Variants in RASSF3 observed in about 807,000 individuals in gnomAD.
The protein encoded by RASSF3 is ras association domain-containing protein 3.
In RASSF3, 19 loss-of-function variants were observed where a neutral mutation model predicts 19.9. The ratio of observed to expected loss-of-function variants is 0.96; its 90% confidence interval spans 0.67 to 1.40. The LOEUF (loss-of-function observed/expected upper bound fraction) is 1.40, where lower values mean the gene tolerates loss of function less well. Among genes scored for constraint, RASSF3 ranks in the 40% most tolerant of loss-of-function variants. The probability of loss-of-function intolerance (pLI) is 0.00; values close to 1 mark genes in which losing one functional copy is unlikely to be tolerated. For missense variants in RASSF3, 306 were observed against 289.8 expected (o/e 1.06, Z -0.41); for synonymous variants, 110 against 104.2 (o/e 1.06, Z -0.34).
chr12:64,565,705 C>G (rs947258404), intron 2 of RASSF3, among the ~76,000 whole-genome samples: 1 of 150,714 alleles, frequency 6.6e-6, no homozygotes, highest in Non-Finnish European at 1.5e-5. Context: ...AAGAGCAAGA[C>G]TCCATCTCAA....
chr12:64,524,353 C>T (rs1164815455), intron 1 of RASSF3, among the ~76,000 whole-genome samples: 5 of 151,898 alleles, frequency 3.3e-5, no homozygotes, highest in Admixed American at 2.0e-4. Context: ...TCCCAAAGTG[C>T]TACGATTATA....
chr12:64,659,700 C>A (rs1270931820), intron 1 of RASSF3, among the ~76,000 whole-genome samples: 1 of 152,090 alleles, frequency 6.6e-6, no homozygotes, highest in Non-Finnish European at 1.5e-5. Flanking sequence ...GTAATCCCAG[C>A]ACTTTGGGAG....
chr12:64,638,896 G>A (rs200939298), intron 1 of RASSF3, among the ~76,000 whole-genome samples: 2 of 152,102 alleles, frequency 1.3e-5, no homozygotes, highest in East Asian at 3.8e-4. Context: ...TACTGTTGAT[G>A]GACATTTAAT....
At chr12:64,637,225 C>T (rs1871354884) in intron 1 of RASSF3, among the ~76,000 whole-genome samples, 1 of 152,094 alleles carries the variant, frequency 6.6e-6, no homozygotes, top group Admixed American at 6.6e-5. Flanking sequence ...GGGCATACCT[C>T]CTGAAGGTAG....
rs899646832 is a variant in RASSF3, at chr12:64,509,035, T to G, written c.169+1706T>G. 2.6e-5 allele frequency among the ~76,000 whole-genome samples: 4 copies of G among 152,210 alleles called. No homozygotes were observed. In the East Asian group the frequency reaches 5.8e-4, roughly 22 times the overall value. ...ACTGTCAAAATAGGGAGAATTTAAC[T>G]TAATCGTTTAAGTCTCTGTTTATAT... On this transcript the variant is annotated intron_variant, in intron 1 of 5. Transcript: ENST00000637125.
chr12:64,595,207 A>G (rs1490048174), intron 2 of RASSF3, among the ~76,000 whole-genome samples: 2 of 150,854 alleles, frequency 1.3e-5, no homozygotes, highest in African/African-American at 2.4e-5. Flanking sequence ...AGCTAGGACT[A>G]TAGTTGTGTG....
chr12:64,511,203 A>T (rs1443734604), intron 1 of RASSF3, among the ~76,000 whole-genome samples: 1 of 152,222 alleles, frequency 6.6e-6, no homozygotes, highest in Non-Finnish European at 1.5e-5. Flanking sequence ...TGGCATTGTT[A>T]ATTGTCATAA....
upstream of RASSF3, among the ~76,000 whole-genome samples, chr12:64,605,841 T>C (rs1018304895): frequency 6.8e-6 from 1 of 146,432 alleles, no homozygotes; most frequent in African/African-American, 2.6e-5. Flanking sequence ...TGAGCCGAGA[T>C]TGCACCATTG....
chr12:64,545,657 A>G (rs922242073), downstream of RASSF3, among the ~76,000 whole-genome samples: 5 of 152,172 alleles, frequency 3.3e-5, no homozygotes, highest in African/African-American at 1.2e-4. Context: ...GCGGGCCGCA[A>G]TGGCTCATGC....
At chr12:64,509,937 A>G (rs148532335) in intron 1 of RASSF3, among the ~76,000 whole-genome samples, 91 of 152,170 alleles carry the variant, frequency 6.0e-4, no homozygotes, top group African/African-American at 2.1e-3. Flanking sequence ...AAATGCAAAA[A>G]TTAGCCAGGC....
chr12:64,662,892 G>T (rs982451421), intron 1 of RASSF3, among the ~76,000 whole-genome samples: 38 of 152,130 alleles, frequency 2.5e-4, no homozygotes, highest in African/African-American at 8.9e-4. Flanking sequence ...GTTTGAAGGG[G>T]AAATAGTGTG....
intron 1 of RASSF3, among the ~76,000 whole-genome samples, chr12:64,508,135 ATTAC>A (rs1342214031): frequency 1.3e-5 from 2 of 151,904 alleles, no homozygotes; most frequent in African/African-American, 4.9e-5. Context: ...GTGCTTAACA[ATTAC>A]TTAAGATGTA....
intron 1 of RASSF3, among the ~76,000 whole-genome samples, chr12:64,659,561 C>G (rs979665292): frequency 6.6e-6 from 1 of 151,978 alleles, no homozygotes. Context: ...CTTTGTTTTC[C>G]TATTGCTGAG....
In RASSF3 at chr12:64,679,348, C is replaced by T. The variant is rs1276155356; in HGVS notation, c.112-5439C>T. Among the ~76,000 whole-genome samples the T allele has an allele frequency of 3.9e-5, 6 of 152,194 alleles. No individual in the cohort carries two copies. In the South Asian group the frequency reaches 6.2e-4, roughly 16 times the overall value. On this transcript the variant is annotated intron_variant, in intron 1 of 4. Transcript: ENST00000542104. ...TGTTGGGATTACGGGCGTGAGCCACCGCTCCCAGCCTGAACAGTCACTCTT... is the reference window on the plus strand; with the variant it reads ...TGTTGGGATTACGGGCGTGAGCCACTGCTCCCAGCCTGAACAGTCACTCTT...
chr12:64,629,738 G>A (rs1197094566), intron 1 of RASSF3, among the ~76,000 whole-genome samples: 1 of 151,904 alleles, frequency 6.6e-6, no homozygotes, highest in Non-Finnish European at 1.5e-5. Context: ...GCCGAGGTGG[G>A]TGGATCACCT....
At chr12:64,611,273 G>T (rs139881396) in intron 1 of RASSF3, among the ~76,000 whole-genome samples, 2 of 152,334 alleles carry the variant, frequency 1.3e-5, no homozygotes, top group East Asian at 3.9e-4. Context: ...CGTGGGCCTC[G>T]CCACCATAGG....
intron 2 of RASSF3, among the ~76,000 whole-genome samples, chr12:64,552,877 C>T (rs921102990): frequency 2.0e-5 from 3 of 151,728 alleles, no homozygotes; most frequent in Non-Finnish European, 2.9e-5. Context: ...AGTGCAATGG[C>T]GCAATCTCTG....
In RASSF3 at chr12:64,577,600, C is replaced by G. The variant is rs192307391; in HGVS notation, c.294+35895C>G. Among the ~76,000 whole-genome samples the G allele has an allele frequency of 5.9e-5, 9 of 152,166 alleles. No homozygotes were observed. In the East Asian group the frequency reaches 1.7e-3, roughly 30 times the overall value. On this transcript the variant is annotated intron_variant, in intron 2 of 5. Coordinates refer to the RASSF3 transcript ENST00000637125. ...TACAAAAATTAGCTGGGTGTAGTGG[C>G]AGGCTCCTCTAGTCTCAACTACTGA...
At position 64,615,315 on chromosome 12, in the gene RASSF3, T is replaced by C. The variant is rs900977649; in HGVS notation, c.111+4572T>C. Among the ~76,000 whole-genome samples, 5 of 152,316 alleles carry C rather than the reference T, an allele frequency of 3.3e-5. No individual in the cohort carries two copies. The East Asian group carries it at 9.6e-4, about 29-fold the overall frequency. On this transcript the variant is annotated intron_variant, in intron 1 of 4. Coordinates refer to ENST00000542104, the MANE Select transcript of RASSF3 (RefSeq NM_178169.4). ...CTCCTCCTGAGCCTTTGGTAGTTCA[T>C]GGGAATAAGGAAATGAGACAGTATT...
Sources: allele counts gnomAD v4.1 joint callset (sites outside exome capture counted in the v4.1 genomes callset), GRCh38; gene constraint gnomAD v4.1.1; transcripts MANE v1.5; gene names NCBI Gene and HGNC (gene_info 2026-07-23, HGNC 2026-07-21).